The following NCAPH variants were observed in gnomAD, a reference collection of about 807,000 sequenced individuals.
NCAPH encodes non-SMC condensin I complex subunit H.
In NCAPH, 38 loss-of-function variants were observed where a neutral mutation model predicts 85.5. The ratio of observed to expected loss-of-function variants is 0.44; its 90% CI spans 0.34 to 0.58. The LOEUF (loss-of-function observed/expected upper bound fraction) is 0.58, where lower values mean the gene tolerates loss of function less well. Ranked by LOEUF, NCAPH falls within the 20% of genes least tolerant of loss-of-function variation. The pLI is 0.01. For missense variants in NCAPH, 789 were observed against 916.6 expected (o/e 0.86, Z 1.80); for synonymous variants, 301 against 335.1 (o/e 0.90, Z 1.11).
Position 96,373,555 on chromosome 2 carries a change from C to T in NCAPH, c.*204C>T, listed in dbSNP as rs1283767613. On this transcript the variant is annotated 3_prime_UTR_variant, in exon 18 of 18. Coordinates refer to ENST00000240423, the MANE Select transcript of NCAPH (RefSeq NM_015341.5). The stretch of plus-strand genomic sequence containing the variant: ...GAAGCTCCGTGCTCAACTGATTAAA[C>T]TTTACTGCCCTATGGTGACCATCTA... 5.5e-6 allele frequency: 3 copies of T among 548,346 alleles called. No homozygotes were observed. Among genetic ancestry groups the T allele is most frequent in the South Asian group, 2.4e-5 (1 of 41,304 alleles). 34.0% of individuals were successfully genotyped at this position (548,346 alleles called of 1,614,324 possible).
rs753117310 is a variant in NCAPH at position 96,354,382 on chromosome 2, G to C, written c.1202G>C (p.Ser401Thr). The change falls in exon 9 of 18, where the codon AGC becomes ACC. Residue 401 changes from serine to threonine, a missense_variant. Coordinates refer to ENST00000240423, the MANE Select transcript of NCAPH (RefSeq NM_015341.5). ...RSWKEPCQVQSCQEEMISLGD... is the reference protein window; with the variant it reads ...RSWKEPCQVQTCQEEMISLGD... The stretch of plus-strand genomic sequence containing the variant: ...TGGAAGGAGCCCTGCCAGGTTCAGA[G>C]CTGCCAGTAAGGCTCTCAGAGTCCG... The C allele has an allele frequency of 8.8e-6, 14 of 1,586,124 alleles. No individual in the cohort carries two copies. The Admixed American group carries it at 1.6e-4, about 18-fold the overall frequency.
intron 6 of NCAPH, among the ~76,000 whole-genome samples, chr2:96,348,803 C>T (rs969997854): frequency 6.6e-6 from 1 of 152,192 alleles, no homozygotes; most frequent in African/African-American, 2.4e-5. Context: ...CGCACCACCA[C>T]GCCCAGCTAA....
At chr2:96,357,060 T>G (rs2064534310) in intron 9 of NCAPH, among the ~76,000 whole-genome samples, 1 of 152,198 alleles carries the variant, frequency 6.6e-6, no homozygotes, top group African/African-American at 2.4e-5. Context: ...AGTACCAGCA[T>G]GCTTACATAA....
In NCAPH at chr2:96,368,614, G is replaced by A. The variant is rs180754002; in HGVS notation, c.1999-358G>A. On this transcript the variant is annotated intron_variant, in intron 15 of 17. Coordinates refer to ENST00000240423, the MANE Select transcript of NCAPH (RefSeq NM_015341.5). Reference sequence around the variant, plus strand: ...GGAGCTTGCAGTGAGCCAAGATTGTGCCACTGCACTCCAGCCTGGCGACAG... The same window carrying A: ...GGAGCTTGCAGTGAGCCAAGATTGTACCACTGCACTCCAGCCTGGCGACAG... Among the ~76,000 whole-genome samples the A allele has an allele frequency of 3.8e-3, 572 of 152,158 alleles. 4 individuals are homozygous for A. The highest frequency in any genetic ancestry group is 5.7e-3 in the Non-Finnish European group (388 of 67,998).
intron 1 of NCAPH, among the ~76,000 whole-genome samples, chr2:96,340,609 C>CT (rs1002880010): frequency 2.6e-5 from 4 of 151,904 alleles, no homozygotes; most frequent in African/African-American, 9.7e-5. Context: ...CAGCTGGTCT[C>CT]TAACTCCTGA....
Position 96,353,484 on chromosome 2 carries a change from CTTTA to C in NCAPH, c.1002+92_1002+95del, listed in dbSNP as rs988494209. The C allele has an allele frequency of 1.0e-5, 12 of 1,150,244 alleles. No individual in the cohort carries two copies. The Admixed American group carries it at 1.1e-4, about 11-fold the overall frequency. The allele number at this position is 1,150,244 out of a possible 1,614,324, so 71.3% of individuals were successfully genotyped here. On this transcript the variant is annotated intron_variant, in intron 8 of 17. Coordinates refer to ENST00000240423, the MANE Select transcript of NCAPH (RefSeq NM_015341.5). ...ATGGGAACCAAAACTGTGGCATCATCTTTATTTAGCCAGGAGTACAGAAAATATT... is the reference window on the plus strand; with the variant it reads ...ATGGGAACCAAAACTGTGGCATCATCTTTAGCCAGGAGTACAGAAAATATT...
chr2:96,366,023 T>C lies in NCAPH; in HGVS notation c.1846T>C (p.Tyr616His). ...AGCCCAAGGATTAGACATCACAACA[T>C]ATGGGGAGTCAAACTTGGTAGCTGA... ...PEAQGLDITT[Y>H]GESNLVAEPQ... The change falls in exon 14 of 18, where the codon TAT becomes CAT. Residue 616 changes from tyrosine to histidine, a missense_variant. Coordinates refer to ENST00000240423, the MANE Select transcript of NCAPH (RefSeq NM_015341.5). The C allele has an allele frequency of 6.2e-7, 1 of 1,614,116 alleles. No homozygotes were observed. The highest frequency in any genetic ancestry group is 8.5e-7 in the Non-Finnish European group (1 of 1,180,002).
intron 17 of NCAPH, among the ~76,000 whole-genome samples, chr2:96,372,884 G>A (rs2064792318): frequency 1.3e-5 from 2 of 152,096 alleles, no homozygotes; most frequent in Admixed American, 6.6e-5. Context: ...TATTTGATTT[G>A]GTACTATATG....
At chr2:96,363,899 C>T (rs144141623) in intron 12 of NCAPH, among the ~76,000 whole-genome samples, 352 of 152,028 alleles carry the variant, frequency 2.3e-3, no homozygotes, top group Non-Finnish European at 4.3e-3. Context: ...GCAGCCTCAA[C>T]CCCTGGGCTC....
At chr2:96,371,308 A>G (rs1206992986) in intron 17 of NCAPH, among the ~76,000 whole-genome samples, 1 of 152,082 alleles carries the variant, frequency 6.6e-6, no homozygotes, top group Non-Finnish European at 1.5e-5. Flanking sequence ...TGGCCTCCAA[A>G]GCTCAGAAAC....
chr2:96,351,890 G>A lies in NCAPH; in HGVS notation c.780G>A (p.Val260=). 1 of 1,614,136 alleles carries A rather than the reference G, an allele frequency of 6.2e-7. No individual in the cohort carries two copies. The highest frequency in any genetic ancestry group is 1.3e-5 in the African/African-American group (1 of 75,048). ...TTGATGAGTGCAGCACAGCAGGGGTGTTTCTGTCCACTCTCCACTGCCAGG... is the reference window on the plus strand; with the variant it reads ...TTGATGAGTGCAGCACAGCAGGGGTATTTCTGTCCACTCTCCACTGCCAGG... ...ASFDECSTAG[V]FLSTLHCQDY... Residue 260 remains valine (V), a synonymous_variant, in exon 7 of 18, where the codon GTG becomes GTA. Coordinates refer to ENST00000240423, the MANE Select transcript of NCAPH (RefSeq NM_015341.5).
chr2:96,371,932 G>A (rs1367754991), intron 17 of NCAPH, among the ~76,000 whole-genome samples: 3 of 152,312 alleles, frequency 2.0e-5, no homozygotes, highest in East Asian at 1.9e-4. Context: ...GCAGTGTGTG[G>A]GGCTTAGGAG....
chr2:96,361,627 G>A (rs868578330), intron 12 of NCAPH, among the ~76,000 whole-genome samples: 14 of 151,502 alleles, frequency 9.2e-5, no homozygotes, highest in African/African-American at 2.4e-4. Context: ...GCAGTGGTTC[G>A]TGTAAACCAT....
chr2:96,338,033 TCTC>T (rs772442921), intron 1 of NCAPH, among the ~76,000 whole-genome samples: 5 of 151,502 alleles, frequency 3.3e-5, no homozygotes, highest in Non-Finnish European at 5.9e-5. Flanking sequence ...CTCAAGCAAT[TCTC>T]CTGCCTCAGC....
intron 7 of NCAPH, 38 bp from the exon 8 acceptor site, chr2:96,353,268 C>T (rs767307175): frequency 5.1e-6 from 8 of 1,568,982 alleles, no homozygotes; most frequent in Non-Finnish European, 6.1e-6. Flanking sequence ...ACTTGACCCC[C>T]TTCTAATCTC....
intron 17 of NCAPH, among the ~76,000 whole-genome samples, chr2:96,371,502 G>A (rs1370608201): frequency 6.6e-6 from 1 of 152,162 alleles, no homozygotes; most frequent in Non-Finnish European, 1.5e-5. Flanking sequence ...TAGTGACTCT[G>A]CGGCTTCACT....
In NCAPH at chr2:96,377,081, A is replaced by T. The variant is rs564015531; in HGVS notation, c.*3730A>T. Among the ~76,000 whole-genome samples, 19 of 151,506 alleles carry T rather than the reference A, an allele frequency of 1.3e-4. No homozygotes were observed. In the South Asian group the frequency reaches 1.7e-3, roughly 13 times the overall value. On this transcript the variant is annotated 3_prime_UTR_variant, in exon 18 of 18. Coordinates refer to ENST00000240423, the MANE Select transcript of NCAPH (RefSeq NM_015341.5). ...ACTATTTAAAAAATAATAAAATTTT[A>T]AAAAATTGTCTTTATGTTGCCTTTT...
At chr2:96,336,699 A>C (rs1455250240) in intron 1 of NCAPH, among the ~76,000 whole-genome samples, 1 of 152,220 alleles carries the variant, frequency 6.6e-6, no homozygotes, top group African/African-American at 2.4e-5. Flanking sequence ...TTTGGCTCTC[A>C]GGGGAGTTAT....
chr2:96,356,573 G>T (rs1218689964), intron 9 of NCAPH, among the ~76,000 whole-genome samples: 1 of 152,138 alleles, frequency 6.6e-6, no homozygotes, highest in Non-Finnish European at 1.5e-5. Context: ...TACAGATGAG[G>T]AAACAGGCTC....
Sources: allele counts gnomAD v4.1 joint callset (sites outside exome capture counted in the v4.1 genomes callset), GRCh38; gene constraint gnomAD v4.1.1; transcripts MANE v1.5; gene names NCBI Gene and HGNC (gene_info 2026-07-23, HGNC 2026-07-21).